FAM149A: variants seen among roughly 807,000 people sequenced by gnomAD.
FAM149A encodes the protein protein FAM149A.
In FAM149A, 71 loss-of-function variants were observed where a neutral mutation model predicts 78.2. That is an observed-to-expected ratio of 0.91 (90% CI 0.75 to 1.11). The LOEUF is 1.11. FAM149A is among the 50% of genes least tolerant of loss of function. The probability of loss-of-function intolerance (pLI) is 0.00; values close to 1 mark genes in which losing one functional copy is unlikely to be tolerated. For missense variants in FAM149A, 1,036 were observed against 971.0 expected (o/e 1.07, Z -0.89); for synonymous variants, 446 against 410.5 (o/e 1.09, Z -1.04).
chr4:186,122,000 C>G (rs543714124), intron 1 of FAM149A, among the ~76,000 whole-genome samples: 1 of 152,208 alleles, frequency 6.6e-6, no homozygotes, highest in South Asian at 2.1e-4. Flanking sequence ...TCCTGGCTGG[C>G]ACCATGCTAG....
chr4:186,132,024 T>G (rs1468456389), intron 1 of FAM149A: 2 of 985,324 alleles, frequency 2.0e-6, no homozygotes. Context: ...TCTTATTATC[T>G]CCATAAAAGA....
chr4:186,125,613 C>A, intron 1 of FAM149A: 1 of 750,982 alleles, frequency 1.3e-6, no homozygotes, highest in Non-Finnish European at 1.6e-6. Flanking sequence ...GTCAACAGCA[C>A]AGGCTTGTTG....
In FAM149A at chr4:186,167,064, T is replaced by C. The variant is rs1409252859; in HGVS notation, c.2107T>C (p.Leu703=). Reference sequence around the variant, plus strand: ...AGAAAGAACAGCCACCCTGGAACGGTTGTCAAGGCCCAGCACAACCCACAC... The same window carrying C: ...AGAAAGAACAGCCACCCTGGAACGGCTGTCAAGGCCCAGCACAACCCACAC... The change falls in exon 12 of 14, where the codon TTG becomes CTG. Residue 703 remains leucine (L), a synonymous_variant. Coordinates refer to ENST00000389354, the MANE Select transcript of FAM149A (RefSeq NM_001367768.3). 1.2e-6 allele frequency: 2 copies of C among 1,614,060 alleles called. No homozygotes were observed. The highest frequency in any genetic ancestry group is 3.3e-5 in the Admixed American group (2 of 60,010).
At chr4:186,111,151 A>G (rs371243976) in intron 1 of FAM149A, among the ~76,000 whole-genome samples, 1 of 145,936 alleles carries the variant, frequency 6.9e-6, no homozygotes, top group Non-Finnish European at 1.5e-5. Context: ...GCCAGTGATG[A>G]TGAGCATTTT....
Position 186,105,552 on chromosome 4 carries a change from C to T in FAM149A, c.476C>T (p.Ala159Val), listed in dbSNP as rs962986329. Residue 159 changes from alanine to valine, a missense_variant, in exon 1 of 14, where the codon GCC becomes GTC. Physicochemically the swap from Ala to Val is moderately conservative, Grantham distance 64. Around this residue, in one of 3 missense-constraint regions of FAM149A, gnomAD observed 316 missense variants for 241.9 expected, o/e 1.31. Coordinates refer to ENST00000389354, the MANE Select transcript of FAM149A (RefSeq NM_001367768.3). ...GAGCGAGAGCTCGGCGCCTGCGTGG[C>T]CCCCGGGGCTGGCCCCAGAACCCTG... is the stretch of plus-strand genomic sequence containing the variant. 7.1e-6 allele frequency: 8 copies of T among 1,132,800 alleles called. No homozygotes were observed. The highest frequency in any genetic ancestry group is 7.6e-6 in the Non-Finnish European group (7 of 919,074). 70.2% of individuals were successfully genotyped at this position (1,132,800 alleles called of 1,614,324 possible). A position where few individuals can be genotyped will look rare whatever the true frequency, so the allele number is the denominator to read the frequency against.
intron 11 of FAM149A, among the ~76,000 whole-genome samples, chr4:186,165,709 G>A (rs1471240506): frequency 1.3e-5 from 2 of 152,156 alleles, no homozygotes; most frequent in African/African-American, 4.8e-5. Flanking sequence ...GAAATTCCAG[G>A]TGTCAAGGAA....
intron 1 of FAM149A, among the ~76,000 whole-genome samples, chr4:186,122,301 A>C (rs1234033021): frequency 6.6e-6 from 1 of 152,240 alleles, no homozygotes; most frequent in Non-Finnish European, 1.5e-5. Context: ...GACATGTAAG[A>C]ACAATTTAAA....
At chr4:186,154,714 C>T (rs990037440) in intron 6 of FAM149A, 76 bp downstream of exon 6, 3 of 1,464,816 alleles carry the variant, frequency 2.0e-6, no homozygotes, top group Non-Finnish European at 9.1e-7. Flanking sequence ...ATCGTATGCT[C>T]ATTAAGTGTT....
rs116664030 is a variant in FAM149A, at chr4:186,162,428, G to A, written c.1576-417G>A. Among the ~76,000 whole-genome samples the A allele has an allele frequency of 8.3e-3, 1,271 of 152,266 alleles. 21 individuals carry two copies. The highest frequency in any genetic ancestry group is 0.029 in the African/African-American group (1,199 of 41,524). On this transcript the variant is annotated intron_variant, in intron 8 of 13. Transcript: ENST00000389354. ...CTGGAGTTACCAGAGGCTGATACAC[G>A]TTGACCACACCAGTGCTCCCTTGCC... is the stretch of plus-strand genomic sequence containing the variant.
Position 186,162,885 on chromosome 4 carries a change from G to A in FAM149A, c.1616G>A (p.Gly539Asp), listed in dbSNP as rs1267781553. ...AGCAGTTTTTATAGTGACATGAATG[G>A]TGTCATGACAATTCAAGCAAAACCG... is the stretch of plus-strand genomic sequence containing the variant. The change falls in exon 9 of 14, where the codon GGT becomes GAT. Residue 539 changes from glycine to aspartate, a missense_variant. Transcript: ENST00000389354. 2.5e-6 allele frequency: 4 copies of A among 1,595,332 alleles called. No individual in the cohort carries two copies. In the African/African-American group the frequency reaches 4.1e-5, roughly 16 times the overall value.
chr4:186,143,822 T>G (rs1732747928), intron 1 of FAM149A, among the ~76,000 whole-genome samples: 1 of 152,222 alleles, frequency 6.6e-6, no homozygotes, highest in African/African-American at 2.4e-5. Context: ...TGAGCCACCC[T>G]GGCTGGACTA....
At chr4:186,134,197 T>C (rs930841858) in intron 1 of FAM149A, among the ~76,000 whole-genome samples, 3 of 152,218 alleles carry the variant, frequency 2.0e-5, no homozygotes, top group Non-Finnish European at 2.9e-5. Flanking sequence ...ACTGATCTTT[T>C]TTACATTTTT....
Position 186,153,632 on chromosome 4 carries a change from T to G in FAM149A, c.933-13T>G. The stretch of plus-strand genomic sequence containing the variant: ...TGATCAAAAATGTCAGTAGCTTCTC[T>G]TTGACCTCGCAGAGTATTAGGAAGA... On this transcript the variant is annotated splice_polypyrimidine_tract_variant and intron_variant, in intron 4 of 13. Transcript: ENST00000389354. The G allele has an allele frequency of 6.2e-7, 1 of 1,604,126 alleles. No homozygotes were observed. Among genetic ancestry groups the G allele is most frequent in the South Asian group, 1.1e-5 (1 of 90,704 alleles).
intron 8 of FAM149A, chr4:186,158,230 C>T (rs13141433): frequency 0.17 from 215,084 of 1,260,874 alleles, 19,298 homozygotes; most frequent in African/African-American, 0.3. Flanking sequence ...CTCGCCAGAC[C>T]CAGGCAGCCT....
intron 8 of FAM149A, chr4:186,158,851 G>T: frequency 1.0e-6 from 1 of 976,628 alleles, no homozygotes; most frequent in Non-Finnish European, 1.2e-6. Context: ...GTCTCAAGCT[G>T]TTCTTCCACA....
chr4:186,142,808 C>A (rs1302910259), intron 1 of FAM149A, among the ~76,000 whole-genome samples: 1 of 152,198 alleles, frequency 6.6e-6, no homozygotes, highest in African/African-American at 2.4e-5. Context: ...CACTGAGCAA[C>A]CCCACGGGGA....
At chr4:186,165,012 A>G (rs1334458047) in intron 10 of FAM149A, among the ~76,000 whole-genome samples, 1 of 151,778 alleles carries the variant, frequency 6.6e-6, no homozygotes, top group African/African-American at 2.4e-5. Context: ...CCCTTTGGTG[A>G]TGCTACCTCA....
chr4:186,104,951 C>T lies in FAM149A; in HGVS notation c.-126C>T. Reference sequence around the variant, plus strand: ...AGCGTCCTCGGGGAGGAGAGGGAGCCAGGGGCCTCCGGGGCTCCGGGTGCG... The same window carrying T: ...AGCGTCCTCGGGGAGGAGAGGGAGCTAGGGGCCTCCGGGGCTCCGGGTGCG... On this transcript the variant is annotated 5_prime_UTR_variant, in exon 1 of 14. Transcript: ENST00000389354. 2 of 1,169,460 alleles carry T rather than the reference C, an allele frequency of 1.7e-6. No individual in the cohort carries two copies. Among genetic ancestry groups the T allele is most frequent in the South Asian group, 3.2e-5 (2 of 62,926 alleles). 72.4% of individuals were successfully genotyped at this position (1,169,460 alleles called of 1,614,324 possible). A position where few individuals can be genotyped will look rare whatever the true frequency, so the allele number is the denominator to read the frequency against.
At chr4:186,145,182 C>G in intron 1 of FAM149A, 1 of 979,656 alleles carries the variant, frequency 1.0e-6, no homozygotes, top group Non-Finnish European at 1.2e-6. Context: ...TGTTCTCCGC[C>G]CGCGGGCCGG....
Sources: gnomAD v4.1 joint callset for allele counts (sites outside exome capture counted in the v4.1 genomes callset) on GRCh38, gnomAD v4.1.1 for gene constraint, gnomAD v4.1.1 regional missense constraint, MANE v1.5 for transcripts, NCBI Gene and HGNC (gene_info 2026-07-23, HGNC 2026-07-21) for gene names.